Variants in UBP1 observed in about 807,000 individuals in gnomAD.
UBP1 encodes the protein upstream-binding protein 1.
A neutral mutation model predicts 76.1 loss-of-function variants in UBP1; 22 were observed. The ratio of observed to expected loss-of-function variants is 0.29; its 90% confidence interval spans 0.21 to 0.41. The LOEUF is 0.41. Ranked by LOEUF, UBP1 falls within the 10% of genes least tolerant of loss-of-function variation. The pLI is 1.00. For missense variants in UBP1, 436 were observed against 668.1 expected (o/e 0.65, Z 3.83); for synonymous variants, 224 against 237.1 (o/e 0.94, Z 0.51).
At chr3:33,400,684 AAG>A (rs2044191767) in intron 10 of UBP1, among the ~76,000 whole-genome samples, 1 of 152,180 alleles carries the variant, frequency 6.6e-6, no homozygotes, top group South Asian at 2.1e-4. Flanking sequence ...GGTGAGGGAT[AAG>A]AGAGAGGATG....
intron 8 of UBP1, among the ~76,000 whole-genome samples, chr3:33,404,366 C>T (rs796151978): frequency 4.6e-5 from 7 of 151,830 alleles, no homozygotes; most frequent in Non-Finnish European, 7.4e-5. Flanking sequence ...GAGCCGAGAT[C>T]GTGCCATTGT....
intron 8 of UBP1, chr3:33,403,148 T>C (rs2044294466): frequency 4.8e-6 from 2 of 415,322 alleles, no homozygotes; most frequent in East Asian, 1.1e-4. Flanking sequence ...GCAGCAAAAA[T>C]TTATAAAGGC....
rs951751432 is a variant in UBP1 at position 33,409,432 on chromosome 3, C to T, written c.708+17G>A. On this transcript the variant is annotated intron_variant, in intron 6 of 15. Coordinates refer to ENST00000283629, the MANE Select transcript of UBP1 (RefSeq NM_014517.5). The stretch of plus-strand genomic sequence containing the variant: ...AACTGAGCCTTAATTACAGAAAACC[C>T]GGGTTCTCTGTCTTACCTTAAAAAC... 8 of 1,614,006 alleles carry T rather than the reference C, an allele frequency of 5.0e-6. No individual in the cohort carries two copies. The highest frequency in any genetic ancestry group is 3.3e-5 in the South Asian group (3 of 91,086).
intron 2 of UBP1, among the ~76,000 whole-genome samples, chr3:33,422,422 A>C (rs2044919586): frequency 1.3e-5 from 2 of 151,952 alleles, no homozygotes; most frequent in African/African-American, 4.8e-5. Flanking sequence ...GGAGGGAGGA[A>C]AGAAGAAAAA....
At chr3:33,427,171 G>A (rs1290689666) in intron 1 of UBP1, among the ~76,000 whole-genome samples, 2 of 152,252 alleles carry the variant, frequency 1.3e-5, no homozygotes, top group Non-Finnish European at 1.5e-5. Context: ...CGCCATGTAG[G>A]CCAGACTAGT....
At chr3:33,431,015 A>G (rs1303389879) in intron 1 of UBP1, among the ~76,000 whole-genome samples, 1 of 152,208 alleles carries the variant, frequency 6.6e-6, no homozygotes, top group Non-Finnish European at 1.5e-5. Flanking sequence ...GAAAAGCCTG[A>G]AAGTATCTGG....
At chr3:33,439,668 G>C (rs2045258799) in intron 1 of UBP1, 68 bp downstream of exon 1, 1 of 1,537,478 alleles carries the variant, frequency 6.5e-7, no homozygotes. Flanking sequence ...GCATCTGGCA[G>C]AGACTCAGGG....
intron 7 of UBP1, among the ~76,000 whole-genome samples, 154 bp from the exon 8 acceptor site, chr3:33,408,951 T>C (rs2044501741): frequency 6.6e-6 from 1 of 152,102 alleles, no homozygotes; most frequent in Non-Finnish European, 1.5e-5. Context: ...GTGACAAAAA[T>C]TGGACTTTCT....
In UBP1 at chr3:33,388,855, G is replaced by T. The variant is rs2043637769; in HGVS notation, c.*1476C>A. 1.3e-5 allele frequency: 2 copies of T among 152,190 alleles called. No individual in the cohort carries two copies. The highest frequency in any genetic ancestry group is 4.1e-4 in the South Asian group (2 of 4,834). 9.4% of individuals were successfully genotyped at this position (152,190 alleles called of 1,614,324 possible). A position where few individuals can be genotyped will look rare whatever the true frequency, so the allele number is the denominator to read the frequency against. On this transcript the variant is annotated 3_prime_UTR_variant, in exon 16 of 16. Coordinates refer to ENST00000283629, the MANE Select transcript of UBP1 (RefSeq NM_014517.5). ...TAAAATGTCAAAGCTTTTACTCACT[G>T]AAGTAGTTTGTCTTCTGGGAGAGAT...
intron 1 of UBP1, among the ~76,000 whole-genome samples, chr3:33,427,761 C>CT (rs1341991116): frequency 6.6e-6 from 1 of 152,240 alleles, no homozygotes; most frequent in African/African-American, 2.4e-5. Context: ...TCAAAACACT[C>CT]CTACGTACAC....
intron 2 of UBP1, among the ~76,000 whole-genome samples, chr3:33,417,874 T>C (rs1363793570): frequency 1.3e-5 from 2 of 152,042 alleles, no homozygotes; most frequent in Non-Finnish European, 2.9e-5. Context: ...GATTATAGGG[T>C]CAAAATTCAA....
Position 33,431,509 on chromosome 3 carries a change from G to A in UBP1, c.114-5768C>T, listed in dbSNP as rs1156830944. On this transcript the variant is annotated intron_variant, in intron 1 of 15. Transcript: ENST00000283629. ...TCCCAGCACTTTGGGAGACTGAGGC[G>A]GGCGGATCATTACATCAGGAGTTCA... Among the ~76,000 whole-genome samples the A allele has an allele frequency of 4.6e-5, 7 of 151,894 alleles. No individual in the cohort carries two copies. In the South Asian group the frequency reaches 1.2e-3, roughly 27 times the overall value.
intron 3 of UBP1, among the ~76,000 whole-genome samples, chr3:33,415,071 T>C (rs557542092): frequency 1.3e-4 from 20 of 152,340 alleles, no homozygotes; most frequent in African/African-American, 4.1e-4. Flanking sequence ...TACAAGGAAG[T>C]TGAACTTAAA....
intron 8 of UBP1, among the ~76,000 whole-genome samples, chr3:33,404,280 C>T (rs1443171189): frequency 3.9e-5 from 6 of 152,022 alleles, no homozygotes; most frequent in South Asian, 2.1e-4. Context: ...GGCGTAGTGG[C>T]GTGTGCCTGT....
intron 1 of UBP1, among the ~76,000 whole-genome samples, chr3:33,431,431 A>AAGCC (rs1261624771): frequency 8.5e-5 from 13 of 152,244 alleles, no homozygotes; most frequent in African/African-American, 2.6e-4. Context: ...AAAAACTCAC[A>AAGCC]AGCCAGTACA....
chr3:33,421,132 C>T (rs886098515), intron 2 of UBP1, among the ~76,000 whole-genome samples: 2 of 152,194 alleles, frequency 1.3e-5, no homozygotes, highest in Non-Finnish European at 2.9e-5. Context: ...GCAGCCTATT[C>T]CAGCCAGATC....
At chr3:33,422,667 A>G (rs1304312013) in intron 2 of UBP1, among the ~76,000 whole-genome samples, 3 of 149,564 alleles carry the variant, frequency 2.0e-5, no homozygotes, top group Non-Finnish European at 3.0e-5. Context: ...CAAGGCTGCA[A>G]TAAGTCATGA....
chr3:33,394,448 A>G (rs913699453), intron 13 of UBP1, among the ~76,000 whole-genome samples: 1 of 152,172 alleles, frequency 6.6e-6, no homozygotes, highest in African/African-American at 2.4e-5. Context: ...TTTTAAATAA[A>G]AGATACTATA....
At chr3:33,399,450 C>T (rs1450557867) in intron 11 of UBP1, among the ~76,000 whole-genome samples, 1 of 152,080 alleles carries the variant, frequency 6.6e-6, no homozygotes. Flanking sequence ...TAATTGAGTA[C>T]ACTCAGACTA....
Sources: allele counts gnomAD v4.1 joint callset (sites outside exome capture counted in the v4.1 genomes callset), GRCh38; gene constraint gnomAD v4.1.1; transcripts MANE v1.5; gene names NCBI Gene and HGNC (gene_info 2026-07-23, HGNC 2026-07-21).